Variants in MSI2 observed in about 807,000 individuals in gnomAD.
The protein encoded by MSI2 is RNA-binding protein Musashi homolog 2.
A neutral mutation model predicts 45.6 loss-of-function variants in MSI2; 17 were observed. The ratio of observed to expected loss-of-function variants is 0.37; its 90% CI spans 0.26 to 0.56. The LOEUF is 0.56. MSI2 is among the 20% of genes least tolerant of loss of function. MSI2 has a pLI of 0.77. For missense variants in MSI2, 293 were observed against 444.2 expected, an observed-to-expected ratio of 0.66 and a Z score of 3.06; for synonymous variants, 156 against 158.2, an observed-to-expected ratio of 0.99 and a Z score of 0.11.
chr17:57,370,103 G>T lies in MSI2; in HGVS notation c.313-31276G>T, dbSNP rs528150897. ...AAACGTTAAAATTTGCCCAGCCCAT[G>T]AGTTTGAATGATTAACTGAGTGAGT... On this transcript the variant is annotated intron_variant, in intron 5 of 13. Coordinates refer to ENST00000284073, the MANE Select transcript of MSI2 (RefSeq NM_138962.4). Among the ~76,000 whole-genome samples the T allele has an allele frequency of 5.3e-5, 8 of 152,304 alleles. No individual in the cohort carries two copies. In the South Asian group the frequency reaches 1.5e-3, roughly 28 times the overall value.
At position 57,529,827 on chromosome 17, in the gene MSI2, T is replaced by C; in HGVS notation, c.454+103T>C. On this transcript the variant is annotated intron_variant, in intron 7 of 13. Coordinates refer to ENST00000284073, the MANE Select transcript of MSI2 (RefSeq NM_138962.4). This position sits in a 1 kb window ranked among gnomAD's most constrained non-coding sequence, Gnocchi z 5.3. The stretch of plus-strand genomic sequence containing the variant: ...AAAAGATACAGTGAAGAGTCCAGAG[T>C]CAAGCAGGTAGAGGTGACCATCCAT... The C allele has an allele frequency of 1.1e-6, 1 of 945,118 alleles. No individual in the cohort carries two copies. The highest frequency in any genetic ancestry group is 1.6e-6 in the Non-Finnish European group (1 of 614,540). 58.5% of individuals were successfully genotyped at this position (945,118 alleles called of 1,614,324 possible).
intron 6 of MSI2, among the ~76,000 whole-genome samples, chr17:57,490,008 C>G (rs545509947): frequency 6.6e-6 from 1 of 152,244 alleles, no homozygotes; most frequent in African/African-American, 2.4e-5. Flanking sequence ...GCTTTAAATT[C>G]TCATAGGAGA....
At chr17:57,459,335 C>T (rs767401784) in intron 6 of MSI2, among the ~76,000 whole-genome samples, 8 of 152,116 alleles carry the variant, frequency 5.3e-5, no homozygotes, top group Non-Finnish European at 1.0e-4. Context: ...CATGGGATGC[C>T]GCACGGGGGC....
chr17:57,369,189 G>C (rs2083385269), intron 5 of MSI2, among the ~76,000 whole-genome samples: 1 of 152,206 alleles, frequency 6.6e-6, no homozygotes, highest in African/African-American at 2.4e-5. Flanking sequence ...TTTGTTGAGA[G>C]TGACGTCACA....
chr17:57,599,403 C>G (rs1449850840), intron 8 of MSI2, among the ~76,000 whole-genome samples: 3 of 152,136 alleles, frequency 2.0e-5, no homozygotes, highest in Non-Finnish European at 4.4e-5. Context: ...GAGGGTGAAT[C>G]CCCAGATAAC....
intron 5 of MSI2, among the ~76,000 whole-genome samples, chr17:57,344,184 C>A (rs532394353): frequency 6.6e-6 from 1 of 152,314 alleles, no homozygotes; most frequent in East Asian, 1.9e-4. Context: ...CCTACATCCC[C>A]TCTTTATTTA....
intron 7 of MSI2, among the ~76,000 whole-genome samples, chr17:57,589,381 G>C (rs1904611163): frequency 6.6e-6 from 1 of 152,226 alleles, no homozygotes; most frequent in South Asian, 2.1e-4. Flanking sequence ...GCCAAGGCAT[G>C]TGATGCCACC....
intron 7 of MSI2, among the ~76,000 whole-genome samples, chr17:57,575,814 A>G (rs1054870085): frequency 3.3e-5 from 5 of 152,026 alleles, no homozygotes; most frequent in South Asian, 2.1e-4. Context: ...GCCTGGTGGC[A>G]GGCGCCTGTA....
rs145406375 is a variant in MSI2, at chr17:57,681,761, C to T, written c.*2244C>T. On this transcript the variant is annotated 3_prime_UTR_variant, in exon 14 of 14. Transcript: ENST00000284073. ...CCAAACAACCAGATTAAATGCTGAG[C>T]GCTTTTAAAATATCAAAACTTGTTC... 2.2e-4 allele frequency: 40 copies of T among 184,938 alleles called. No individual in the cohort carries two copies. In the East Asian group the frequency reaches 2.7e-3, roughly 13 times the overall value. 11.5% of individuals were successfully genotyped at this position (184,938 alleles called of 1,614,324 possible). A position where few individuals can be genotyped will look rare whatever the true frequency, so the allele number is the denominator to read the frequency against.
intron 2 of MSI2, 27 bp from the exon 3 acceptor site, chr17:57,257,439 C>CT (rs555020534): frequency 9.0e-6 from 11 of 1,228,264 alleles, no homozygotes; most frequent in Non-Finnish European, 1.3e-5. Flanking sequence ...CTCTCCCCCC[C>CT]CCATCTCTCT....
chr17:57,655,728 G>A (rs768412060), intron 11 of MSI2, among the ~76,000 whole-genome samples: 2 of 152,128 alleles, frequency 1.3e-5, no homozygotes, highest in Admixed American at 6.5e-5. Flanking sequence ...ACTCTTCTGA[G>A]CACGCTCAGC....
chr17:57,358,584 C>T (rs560149894), intron 5 of MSI2, among the ~76,000 whole-genome samples: 8 of 152,096 alleles, frequency 5.3e-5, no homozygotes, highest in East Asian at 1.9e-4. Context: ...TAGTCATTAG[C>T]GTTTGGAGGG....
At chr17:57,441,709 G>A (rs983737077) in intron 6 of MSI2, among the ~76,000 whole-genome samples, 8 of 151,994 alleles carry the variant, frequency 5.3e-5, no homozygotes, top group South Asian at 4.2e-4. Flanking sequence ...CTTCCTTTTC[G>A]TTGTTATTTA....
At chr17:57,308,168 A>G (rs1336281165) in intron 5 of MSI2, among the ~76,000 whole-genome samples, 1 of 152,092 alleles carries the variant, frequency 6.6e-6, no homozygotes, top group Non-Finnish European at 1.5e-5. Flanking sequence ...TCTGCCTCCC[A>G]ATTGGCTGTA....
At chr17:57,471,256 A>G (rs1366010475) in intron 6 of MSI2, among the ~76,000 whole-genome samples, 1 of 146,688 alleles carries the variant, frequency 6.8e-6, no homozygotes, top group Non-Finnish European at 1.5e-5. Flanking sequence ...TCAGCCATCA[A>G]CCTGCGGCAT....
intron 5 of MSI2, among the ~76,000 whole-genome samples, chr17:57,356,745 C>T (rs1279013235): frequency 1.3e-5 from 2 of 152,016 alleles, no homozygotes; most frequent in African/African-American, 4.8e-5. Context: ...TTGAACTGCT[C>T]CTTTATAAGT....
intron 7 of MSI2, among the ~76,000 whole-genome samples, chr17:57,534,710 C>T (rs1440317676): frequency 6.6e-6 from 1 of 152,104 alleles, no homozygotes; most frequent in African/African-American, 2.4e-5. Flanking sequence ...AGTGAAACTC[C>T]GTCTCACAAA....
chr17:57,606,172 C>G (rs1906555508), intron 8 of MSI2: 1 of 152,640 alleles, frequency 6.6e-6, no homozygotes, highest in East Asian at 1.9e-4. Context: ...CTGCTGCTCT[C>G]TCTCTTCCTC....
At chr17:57,450,410 G>A (rs2084993814) in intron 6 of MSI2, 1 of 133,686 alleles carries the variant, frequency 7.5e-6, no homozygotes, top group African/African-American at 3.0e-5. Context: ...AAGTTGTGCG[G>A]TGGCTCATGC....
Sources: gnomAD v4.1 joint callset for allele counts (sites outside exome capture counted in the v4.1 genomes callset) on GRCh38, gnomAD v4.1.1 for gene constraint, Gnocchi (gnomAD v3.1) non-coding constraint, MANE v1.5 for transcripts, NCBI Gene and HGNC (gene_info 2026-07-23, HGNC 2026-07-21) for gene names.